ZNF721: variants seen among roughly 807,000 people sequenced by gnomAD.
The protein encoded by ZNF721 is zinc finger protein 721.
ZNF721 carries 2 observed loss-of-function variants against 2.4 expected under a neutral mutation model. The observed-to-expected ratio is 0.82, with a 90% CI of 0.34 to 2.58. The LOEUF (loss-of-function observed/expected upper bound fraction) is 2.58. ZNF721 is among the 30% of genes most tolerant of loss of function. ZNF721 has a pLI of 0.11. For missense variants in ZNF721, 1,187 were observed against 1,085.5 expected, an observed-to-expected ratio of 1.09 and a Z score of -1.31; for synonymous variants, 398 against 381.8, an observed-to-expected ratio of 1.04 and a Z score of -0.50.
At chr4:485,915 C>T (rs1560243506) in intron 1 of ZNF721, among the ~76,000 whole-genome samples, 3 of 152,070 alleles carry the variant, frequency 2.0e-5, no homozygotes, top group South Asian at 4.2e-4. Context: ...GTAGAGGTTG[C>T]AGTGAGCTGA....
chr4:492,172 A>AAC (rs1716041108), intron 1 of ZNF721, among the ~76,000 whole-genome samples: 1 of 143,902 alleles, frequency 6.9e-6, no homozygotes, highest in African/African-American at 2.6e-5. Flanking sequence ...CAAAAAAAAA[A>AAC]AAACAAACAA....
intron 2 of ZNF721, 40 bp downstream of exon 2, chr4:472,535 A>T (rs1553867836): frequency 6.4e-7 from 1 of 1,572,188 alleles, no homozygotes; most frequent in East Asian, 2.2e-5. Context: ...AATAAAACTC[A>T]GAGGGAGTAT....
intron 1 of ZNF721, among the ~76,000 whole-genome samples, chr4:484,648 C>G (rs1471825116): frequency 3.9e-5 from 6 of 152,216 alleles, no homozygotes; most frequent in African/African-American, 1.2e-4. Flanking sequence ...ATAGTGCTCC[C>G]AGGCTTATTA....
intron 1 of ZNF721, among the ~76,000 whole-genome samples, chr4:488,557 C>T (rs544031458): frequency 2.8e-4 from 42 of 152,236 alleles, no homozygotes; most frequent in African/African-American, 3.9e-4. Flanking sequence ...GGAAACCGGG[C>T]GCAGTAGCTC....
rs782715544 is a variant in ZNF721, at chr4:442,140, G to A, written c.2327C>T (p.Thr776Ile). ...CTTACATTTGTAGGGTTTCTTTCCA[G>A]TATGAATTTTCTCATGTCTATTCAG... Reference protein sequence around the residue: ...SHLNRHEKIHTGKKPYKCKEC... With the variant: ...SHLNRHEKIHIGKKPYKCKEC... The change falls in exon 3 of 3, where the codon ACT becomes ATT. Residue 776 changes from threonine to isoleucine, a missense_variant. Thr to Ile is a moderately conservative substitution (Grantham distance 89). Transcript: ENST00000511833. 12 of 1,613,412 alleles carry A rather than the reference G, an allele frequency of 7.4e-6. No homozygotes were observed. The highest frequency in any genetic ancestry group is 3.3e-5 in the South Asian group (3 of 91,066).
chr4:470,236 T>G (rs1715390612), intron 2 of ZNF721, among the ~76,000 whole-genome samples: 1 of 152,092 alleles, frequency 6.6e-6, no homozygotes, highest in Non-Finnish European at 1.5e-5. Flanking sequence ...ATGAAACACT[T>G]ACACGTAAGA....
In ZNF721 at chr4:474,000, T is replaced by C. The variant is rs1715550032; in HGVS notation, c.-93-1299A>G. Reference sequence around the variant, plus strand: ...ACTCACCATTTCTCAGCTTCAAGGGTGTCGCGAAGTCTTAGCTACGAATCA... The same window carrying C: ...ACTCACCATTTCTCAGCTTCAAGGGCGTCGCGAAGTCTTAGCTACGAATCA... On this transcript the variant is annotated intron_variant, in intron 1 of 2. Transcript: ENST00000511833. 9 of 1,504,472 alleles carry C rather than the reference T, an allele frequency of 6.0e-6. No individual in the cohort carries two copies. The South Asian group carries it at 1.0e-4, about 17-fold the overall frequency. 93.2% of individuals were successfully genotyped at this position (1,504,472 alleles called of 1,614,324 possible).
intron 2 of ZNF721, among the ~76,000 whole-genome samples, chr4:465,308 T>C (rs1715209296): frequency 6.6e-6 from 1 of 152,116 alleles, no homozygotes; most frequent in Non-Finnish European, 1.5e-5. Flanking sequence ...AATTGTTTGA[T>C]ATTGGAGAGT....
chr4:449,753 A>C (rs1237780012), intron 2 of ZNF721, among the ~76,000 whole-genome samples: 1 of 152,218 alleles, frequency 6.6e-6, no homozygotes, highest in African/African-American at 2.4e-5. Flanking sequence ...AAGAGACTTT[A>C]AGAGACCTTT....
At chr4:478,481 T>G (rs957871107) in intron 1 of ZNF721, among the ~76,000 whole-genome samples, 1 of 152,194 alleles carries the variant, frequency 6.6e-6, no homozygotes, top group Non-Finnish European at 1.5e-5. Context: ...TTTTTTTAAC[T>G]TTCCCAGTTA....
intron 1 of ZNF721, among the ~76,000 whole-genome samples, chr4:484,302 GTAA>G (rs1715838611): frequency 6.6e-6 from 1 of 152,152 alleles, no homozygotes; most frequent in South Asian, 2.1e-4. Context: ...TCAGGACCCT[GTAA>G]TAATTGCATT....
At chr4:498,034 G>C in intron 1 of ZNF721, among the ~76,000 whole-genome samples, 1 of 151,630 alleles carries the variant, frequency 6.6e-6, no homozygotes, top group East Asian at 1.9e-4. Context: ...GTGAAACCCC[G>C]TCTCAACTAA....
At chr4:474,098 G>A in intron 1 of ZNF721, 1 of 1,288,100 alleles carries the variant, frequency 7.8e-7, no homozygotes, top group Non-Finnish European at 1.1e-6. Flanking sequence ...CCTGAGGTGT[G>A]GAAGCAGGGA....
At chr4:469,553 T>C (rs1715368012) in intron 2 of ZNF721, among the ~76,000 whole-genome samples, 2 of 152,230 alleles carry the variant, frequency 1.3e-5, no homozygotes, top group Non-Finnish European at 2.9e-5. Flanking sequence ...TTAGTGTCAT[T>C]TTTCACAGTA....
rs1441126111 is a variant in ZNF721 at position 442,392 on chromosome 4, G to GT, written c.2074dup (p.Thr692AsnfsTer9). 2 of 1,613,788 alleles carry GT rather than the reference G, an allele frequency of 1.2e-6. No homozygotes were observed. Among genetic ancestry groups the GT allele is most frequent in the Admixed American group, 1.7e-5 (1 of 59,990 alleles). ...TTCACATTTGTAAGGTTTTTCTCCA[G>GT]TATGAATTTTCTTGTGTTGATTCAG... On this transcript the variant is annotated frameshift_variant, in exon 3 of 3. Transcript: ENST00000511833. LOFTEE classifies it low-confidence loss of function (END_TRUNC).
At chr4:489,838 A>G (rs1214904658) in intron 1 of ZNF721, among the ~76,000 whole-genome samples, 1 of 152,162 alleles carries the variant, frequency 6.6e-6, no homozygotes, top group African/African-American at 2.4e-5. Context: ...TATTAAAACA[A>G]TAATATTTTG....
intron 1 of ZNF721, chr4:474,260 G>T (rs1236670633): frequency 2.8e-6 from 1 of 350,960 alleles, no homozygotes; most frequent in East Asian, 7.5e-5. Flanking sequence ...ACGCCCTCAG[G>T]CTTTGAATGA....
chr4:492,119 C>T (rs900570794), intron 1 of ZNF721, among the ~76,000 whole-genome samples: 10 of 151,326 alleles, frequency 6.6e-5, no homozygotes, highest in South Asian at 6.2e-4. Context: ...GCCGAGATCA[C>T]GCCACTGCAC....
chr4:442,176 T>C lies in ZNF721; in HGVS notation c.2291A>G (p.Gln764Arg). 6.2e-7 allele frequency: 1 copy of C among 1,612,654 alleles called. No individual in the cohort carries two copies. Among genetic ancestry groups the C allele is most frequent in the Non-Finnish European group, 8.5e-7 (1 of 1,178,996 alleles). Residue 764 changes from glutamine to arginine, a missense_variant, in exon 3 of 3, where the codon CAG (glutamine) becomes CGG (arginine). By Grantham distance (43) the Gln-to-Arg change is conservative. Transcript: ENST00000511833. ...CTCATGTCTATTCAGGTGTGAGGACTGTTTAAACACTTTCCCACATTCTTT... is the reference window on the plus strand; with the variant it reads ...CTCATGTCTATTCAGGTGTGAGGACCGTTTAAACACTTTCCCACATTCTTT... ...KCKECGKVFKQSSHLNRHEKI... is the reference protein window; with the variant it reads ...KCKECGKVFKRSSHLNRHEKI...
Sources: allele counts gnomAD v4.1 joint callset (sites outside exome capture counted in the v4.1 genomes callset), GRCh38; gene constraint gnomAD v4.1.1; transcripts MANE v1.5; gene names NCBI Gene and HGNC (gene_info 2026-07-23, HGNC 2026-07-21).